Variants in KDM6A observed in about 807,000 individuals in gnomAD.
KDM6A encodes lysine demethylase 6A, also known as lysine-specific demethylase 6A.
KDM6A carries 11 observed loss-of-function variants against 117.6 expected under a neutral mutation model. The ratio of observed to expected loss-of-function variants is 0.09; its 90% CI spans 0.06 to 0.15. The LOEUF is 0.15. KDM6A is among the 10% of genes least tolerant of loss of function. The pLI is 1.00. For synonymous variants in KDM6A, 384 were observed against 396.1 expected, an observed-to-expected ratio of 0.97 and a Z score of 0.36; for missense variants, 799 against 1,077.3, an observed-to-expected ratio of 0.74 and a Z score of 3.62.
chrX:45,037,819 T>G (rs2042882153), intron 8 of KDM6A, 130 bp downstream of exon 8: 2 of 520,359 alleles, frequency 3.8e-6, no homozygotes, highest in South Asian at 5.9e-5. Context: ...AGGTAAATTT[T>G]GTATTTTATA....
intron 12 of KDM6A, 75 bp downstream of exon 12, chrX:45,059,541 A>C: frequency 1.4e-6 from 1 of 733,357 alleles, no homozygotes; most frequent in Admixed American, 2.6e-5. Flanking sequence ...GGGTGGCTGG[A>C]AAGTTTGTCT....
At chrX:44,989,122 G>A (rs1485770699) in intron 4 of KDM6A, among the ~76,000 whole-genome samples, 5 of 105,151 alleles carry the variant, frequency 4.8e-5, no homozygotes, top group African/African-American at 1.7e-4. Flanking sequence ...CCCCTCCCCA[G>A]CCTCACTGCT....
chrX:44,903,592 C>T (rs895174586), intron 2 of KDM6A, among the ~76,000 whole-genome samples: 1 of 110,941 alleles, frequency 9.0e-6, no homozygotes, highest in Non-Finnish European at 1.9e-5. Flanking sequence ...TGGTGTTGCT[C>T]AGGTTTCTGA....
chrX:45,025,248 C>T (rs1244358055), intron 6 of KDM6A, among the ~76,000 whole-genome samples: 1 of 111,334 alleles, frequency 9.0e-6, no homozygotes, highest in African/African-American at 3.3e-5. Context: ...CTGCAACCTC[C>T]GCCTCCCAGT....
chrX:44,987,627 T>C (rs1487237010), intron 4 of KDM6A, among the ~76,000 whole-genome samples: 1 of 111,732 alleles, frequency 8.9e-6, no homozygotes, highest in African/African-American at 3.3e-5. Context: ...TCTTAGCATT[T>C]GCTTGTCTGT....
chrX:44,960,658 A>AT (rs745779216), intron 2 of KDM6A, among the ~76,000 whole-genome samples: 1 of 111,236 alleles, frequency 9.0e-6, no homozygotes, highest in African/African-American at 3.3e-5. Context: ...AAATAGTGTT[A>AT]TTTTTTTCTT....
At chrX:45,029,347 A>C (rs1308590141) in intron 6 of KDM6A, among the ~76,000 whole-genome samples, 1 of 111,285 alleles carries the variant, frequency 9.0e-6, no homozygotes, top group East Asian at 2.8e-4. Flanking sequence ...AGGCAGGAGA[A>C]TCGCTTGACC....
chrX:44,989,950 T>C (rs2040480192), intron 4 of KDM6A, among the ~76,000 whole-genome samples: 1 of 111,660 alleles, frequency 9.0e-6, no homozygotes, highest in Admixed American at 9.5e-5. Context: ...TAGATAATCT[T>C]TTATATAAAA....
rs1186290293 is a variant in KDM6A, at chrX:44,992,456, T to G, written c.384+17741T>G. Among the ~76,000 whole-genome samples, 3 of 109,300 alleles carry G rather than the reference T, an allele frequency of 2.7e-5. No individual in the cohort carries two copies. In the Admixed American group the frequency reaches 3.0e-4, roughly 11 times the overall value. 94.9% of individuals were successfully genotyped at this position (109,300 alleles called of 115,157 possible). ...TCAGGCTGGTCCCGAACTCCCAGCCTCACGTGATCTGCCCACCTTGGCCCC... is the reference window on the plus strand; with the variant it reads ...TCAGGCTGGTCCCGAACTCCCAGCCGCACGTGATCTGCCCACCTTGGCCCC... On this transcript the variant is annotated intron_variant, in intron 4 of 29. Transcript: ENST00000611820.
chrX:44,948,562 C>T (rs2037801471), intron 2 of KDM6A, among the ~76,000 whole-genome samples: 1 of 111,685 alleles, frequency 9.0e-6, no homozygotes, highest in Admixed American at 9.5e-5. Flanking sequence ...TGGGGATTTT[C>T]TAATTCTGAG....
rs2046713605 is a variant in KDM6A at position 45,110,166 on chromosome X, A to G, written c.4249A>G (p.Thr1417Ala). Reference sequence around the variant, plus strand: ...ACATTGCCAAGATTGTGCACGAAAAACAAGCGGAAACTTGGAAAACTTTGT... The same window carrying G: ...ACATTGCCAAGATTGTGCACGAAAAGCAAGCGGAAACTTGGAAAACTTTGT... ...IVHCQDCARKTSGNLENFVVL... is the reference protein window; with the variant it reads ...IVHCQDCARKASGNLENFVVL... Residue 1417 changes from threonine (T) to alanine (A), a missense_variant, in exon 29 of 30, where the codon ACA (threonine) becomes GCA (alanine). Coordinates refer to ENST00000611820, the MANE Select transcript of KDM6A (RefSeq NM_001291415.2). 2 of 1,210,511 alleles carry G rather than the reference A, an allele frequency of 1.7e-6. No individual in the cohort carries two copies. The highest frequency in any genetic ancestry group is 2.2e-6 in the Non-Finnish European group (2 of 894,577).
intron 2 of KDM6A, among the ~76,000 whole-genome samples, chrX:44,942,171 AT>A (rs1319896765): frequency 9.1e-6 from 1 of 109,334 alleles, no homozygotes; most frequent in Admixed American, 9.8e-5. Flanking sequence ...AGTAGCTGGG[AT>A]TACAGGTGCG....
intron 2 of KDM6A, among the ~76,000 whole-genome samples, chrX:44,952,739 G>A (rs1355455153): frequency 9.0e-6 from 1 of 111,171 alleles, no homozygotes; most frequent in Non-Finnish European, 1.9e-5. Flanking sequence ...TCCTTTTTGT[G>A]TGTGTTAATG....
In KDM6A at chrX:45,076,824, T is replaced by C; in HGVS notation, c.2986T>C (p.Tyr996His). 1 of 1,200,113 alleles carries C rather than the reference T, an allele frequency of 8.3e-7. No homozygotes were observed. The highest frequency in any genetic ancestry group is 3.0e-5 in the East Asian group (1 of 33,764). The part of the protein sequence containing the change: ...DKLNPPTPSI[Y>H]LENKRDAFFP... Reference sequence around the variant, plus strand: ...GTTGAATCCACCTACACCTAGTATTTACGTGAGTCTGAATTGACTGACTAG... The same window carrying C: ...GTTGAATCCACCTACACCTAGTATTCACGTGAGTCTGAATTGACTGACTAG... Residue 996 changes from tyrosine (Y) to histidine (H), a missense_variant and splice_region_variant, in exon 19 of 30, where the codon TAC becomes CAC. Around this residue, in one of 8 missense-constraint regions of KDM6A, gnomAD observed 291 missense variants for 437.9 expected, o/e 0.66. Transcript: ENST00000611820.
intron 27 of KDM6A, chrX:45,106,555 T>C (rs867079041): frequency 4.4e-5 from 15 of 340,488 alleles, no homozygotes; most frequent in Admixed American, 1.9e-4. Flanking sequence ...ATTTTCATTG[T>C]CTCCGAATTT....
chrX:45,006,248 A>G (rs893696794), intron 4 of KDM6A, among the ~76,000 whole-genome samples: 5 of 100,302 alleles, frequency 5.0e-5, no homozygotes, highest in Non-Finnish European at 1.0e-4. Context: ...AGGTGACCAC[A>G]AGGGGCAGGG....
At chrX:45,083,244 T>G (rs1425899532) in intron 23 of KDM6A, among the ~76,000 whole-genome samples, 3 of 112,139 alleles carry the variant, frequency 2.7e-5, no homozygotes, top group Non-Finnish European at 5.6e-5. Context: ...TTAAAATAGT[T>G]TTTTTCTTTT....
At chrX:44,916,136 A>G (rs1427698039) in intron 2 of KDM6A, among the ~76,000 whole-genome samples, 1 of 111,317 alleles carries the variant, frequency 9.0e-6, no homozygotes, top group East Asian at 2.8e-4. Flanking sequence ...TAATATATAT[A>G]GGGTTCTGTA....
At chrX:45,099,242 G>C (rs1405457160) in intron 27 of KDM6A, among the ~76,000 whole-genome samples, 3 of 109,347 alleles carry the variant, frequency 2.7e-5, no homozygotes, top group Non-Finnish European at 5.7e-5. Context: ...AAATTCCATA[G>C]TATGAGTTAA....
Sources: allele counts gnomAD v4.1 joint callset (sites outside exome capture counted in the v4.1 genomes callset), GRCh38; gene constraint gnomAD v4.1.1; regional missense constraint gnomAD v4.1.1; transcripts MANE v1.5; gene names NCBI Gene and HGNC (gene_info 2026-07-23, HGNC 2026-07-21).